The following CRAMP1 variants were observed in gnomAD, a reference collection of about 807,000 sequenced individuals.
CRAMP1 encodes the protein protein cramped-like.
In CRAMP1, 50 loss-of-function variants were observed where a neutral mutation model predicts 115.4. That is an observed-to-expected ratio of 0.43 (90% CI 0.35 to 0.55). The LOEUF (loss-of-function observed/expected upper bound fraction) is 0.55, where lower values mean the gene tolerates loss of function less well. Ranked by LOEUF, CRAMP1 falls within the 20% of genes least tolerant of loss-of-function variation. The pLI, the probability that CRAMP1 is intolerant of heterozygous loss-of-function variation, is 0.01. For synonymous variants in CRAMP1, 866 were observed against 745.4 expected (o/e 1.16, Z -2.64); for missense variants, 1,679 against 1,721.7 (o/e 0.98, Z 0.44).
At chr16:1,634,816 C>T (rs1355817711) in intron 4 of CRAMP1, among the ~76,000 whole-genome samples, 3 of 152,252 alleles carry the variant, frequency 2.0e-5, no homozygotes, top group Non-Finnish European at 4.4e-5. Context: ...TGCGAAGTGA[C>T]TGGCCCCATG....
At position 1,656,904 on chromosome 16, in the gene CRAMP1, G is replaced by T. The variant is rs372279645; in HGVS notation, c.2147G>T (p.Arg716Leu). ...DWLGPGRQDP[R>L]PGSLPTALHK... ...CTGGGGCCCGGCCGCCAGGACCCCC[G>T]CCCCGGCTCCCTACCCACCGCCCTC... The change falls in exon 10 of 21, where the codon CGC (arginine) becomes CTC (leucine). Residue 716 changes from arginine (R) to leucine (L), a missense_variant. Arg to Leu is a moderately radical substitution (Grantham distance 102). Around this residue, in one of 8 missense-constraint regions of CRAMP1, gnomAD observed 709 missense variants for 741.9 expected, o/e 0.96. Coordinates refer to ENST00000397412, the MANE Select transcript of CRAMP1 (RefSeq NM_020825.4). This position sits in a 1 kb window ranked among gnomAD's most constrained non-coding sequence, Gnocchi z 5.6. The T allele has an allele frequency of 1.9e-6, 3 of 1,552,218 alleles. No individual in the cohort carries two copies. Among genetic ancestry groups the T allele is most frequent in the Non-Finnish European group, 8.7e-7 (1 of 1,148,416 alleles).
At chr16:1,652,065 A>G (rs1321770835) in intron 6 of CRAMP1, among the ~76,000 whole-genome samples, 1 of 151,942 alleles carries the variant, frequency 6.6e-6, no homozygotes, top group Non-Finnish European at 1.5e-5. Context: ...ACGGAGAGGT[A>G]GACTGAGAGG....
chr16:1,666,069 G>A lies in CRAMP1; in HGVS notation c.2753-4G>A, dbSNP rs148724343. On this transcript the variant is annotated splice_polypyrimidine_tract_variant and splice_region_variant and intron_variant, in intron 14 of 20. Transcript: ENST00000397412. This position sits in a 1 kb window ranked among gnomAD's most constrained non-coding sequence, Gnocchi z 5.0. ...CATGTCTGCTTTTGCCCTCGCCCTC[G>A]CAGGGAGAGGTTCGTTCCGGCCCAT... The A allele has an allele frequency of 4.3e-5, 68 of 1,597,688 alleles. No individual in the cohort carries two copies. The highest frequency in any genetic ancestry group is 1.7e-4 in the Middle Eastern group (1 of 6,042).
chr16:1,621,090 A>C (rs189607894), intron 2 of CRAMP1, among the ~76,000 whole-genome samples: 2 of 152,188 alleles, frequency 1.3e-5, no homozygotes, highest in Non-Finnish European at 2.9e-5. Context: ...CCTGCTGGGC[A>C]CTGAGCAGCT....
At chr16:1,639,586 C>G (rs560844951) in intron 5 of CRAMP1, among the ~76,000 whole-genome samples, 138 of 152,250 alleles carry the variant, frequency 9.1e-4, no homozygotes, top group Non-Finnish European at 1.0e-4. Context: ...CAAAGGAAGA[C>G]TTGGCCCCAG....
At chr16:1,660,983 C>T (rs1321972754) in intron 11 of CRAMP1, among the ~76,000 whole-genome samples, 4 of 151,206 alleles carry the variant, frequency 2.6e-5, no homozygotes, top group Non-Finnish European at 4.4e-5. Context: ...CACTCCAGCT[C>T]GGGCAACGGA....
chr16:1,664,739 A>G (rs1596497576), intron 13 of CRAMP1, among the ~76,000 whole-genome samples: 1 of 150,908 alleles, frequency 6.6e-6, no homozygotes, highest in South Asian at 2.1e-4. Context: ...AAATTGCACC[A>G]CTGCACTCTA....
At chr16:1,657,024 G>T in intron 10 of CRAMP1, 32 bp downstream of exon 10, 1 of 1,466,748 alleles carries the variant, frequency 6.8e-7, no homozygotes, top group Non-Finnish European at 9.0e-7. Context: ...CCCTCTGGCG[G>T]CCCAAGGGAA....
At chr16:1,623,880 T>G (rs2036486201) in intron 2 of CRAMP1, among the ~76,000 whole-genome samples, 1 of 152,254 alleles carries the variant, frequency 6.6e-6, no homozygotes, top group Non-Finnish European at 1.5e-5. Flanking sequence ...GGCATTTGAT[T>G]AGCCTGGTTG....
In CRAMP1 at chr16:1,677,270, C is replaced by T. The variant is rs1030032283; in HGVS notation, c.*3225C>T. On this transcript the variant is annotated 3_prime_UTR_variant, in exon 21 of 21. Transcript: ENST00000397412. ...CCACCCTGACTAACATGGAGAGACC[C>T]TGTCTCTACTAAAAGTACAGAATTA... 3.9e-5 allele frequency: 6 copies of T among 152,208 alleles called. No homozygotes were observed. Among genetic ancestry groups the T allele is most frequent in the Admixed American group, 1.3e-4 (2 of 15,272 alleles). 9.4% of individuals were successfully genotyped at this position (152,208 alleles called of 1,614,324 possible). A position where few individuals can be genotyped will look rare whatever the true frequency, so the allele number is the denominator to read the frequency against.
chr16:1,612,392 C>T lies in CRAMP1; in HGVS notation c.-267C>T, dbSNP rs1381268232. 2 of 151,610 alleles carry T rather than the reference C, an allele frequency of 1.3e-5. No individual in the cohort carries two copies. Among genetic ancestry groups the T allele is most frequent in the Non-Finnish European group, 3.0e-5 (2 of 67,752 alleles). The allele number at this position is 151,610 out of a possible 1,614,324, so 9.4% of individuals were successfully genotyped here. A position where few individuals can be genotyped will look rare whatever the true frequency, so the allele number is the denominator to read the frequency against. On this transcript the variant is annotated 5_prime_UTR_variant, in exon 1 of 21. Transcript: ENST00000397412. ...CCACCGGCCGCCGTAGCCGGAACTG[C>T]TGCTGAGGGCGGCGGGCCGGCTTCG...
intron 8 of CRAMP1, 27 bp from the exon 9 acceptor site, chr16:1,655,192 A>G (rs1267759415): frequency 1.9e-6 from 3 of 1,592,502 alleles, no homozygotes; most frequent in East Asian, 4.5e-5. Flanking sequence ...TGCGAACCTC[A>G]CTTCCTCCTG....
At chr16:1,662,734 C>T in intron 12 of CRAMP1, 27 bp from the exon 13 acceptor site, 2 of 1,613,558 alleles carry the variant, frequency 1.2e-6, no homozygotes, top group Non-Finnish European at 1.7e-6. Flanking sequence ...AGTGCACCTT[C>T]AGGTGCCGGA....
intron 4 of CRAMP1, among the ~76,000 whole-genome samples, chr16:1,635,121 C>G (rs1191954015): frequency 6.6e-6 from 1 of 152,186 alleles, no homozygotes; most frequent in African/African-American, 2.4e-5. Context: ...TGGTCTTGAA[C>G]TCCTGAGCTC....
chr16:1,617,637 C>T (rs948252209), intron 2 of CRAMP1, among the ~76,000 whole-genome samples: 3 of 152,268 alleles, frequency 2.0e-5, no homozygotes, highest in African/African-American at 7.2e-5. Flanking sequence ...ACTTACTGCC[C>T]TGGCCAGTTT....
chr16:1,641,081 C>T (rs2036627987), intron 5 of CRAMP1, 58 bp from the exon 6 acceptor site: 1 of 1,180,166 alleles, frequency 8.5e-7, no homozygotes, highest in Non-Finnish European at 1.3e-6. Context: ...TGGGAATCTT[C>T]AGTGGCTTTG....
chr16:1,632,643 G>C (rs575256410), intron 4 of CRAMP1, among the ~76,000 whole-genome samples: 2 of 152,260 alleles, frequency 1.3e-5, no homozygotes, highest in East Asian at 1.9e-4. Flanking sequence ...CTGAGTGTGC[G>C]TGAGTTCTGG....
intron 13 of CRAMP1, 144 bp downstream of exon 13, chr16:1,662,979 A>G (rs952796149): frequency 3.2e-6 from 2 of 620,096 alleles, no homozygotes; most frequent in Non-Finnish European, 5.6e-6. Context: ...GGGTAAAAAT[A>G]CAAGTAATAA....
At chr16:1,662,715 G>A (rs749530984) in intron 12 of CRAMP1, 44 bp downstream of exon 12, 15 of 1,613,738 alleles carry the variant, frequency 9.3e-6, no homozygotes, top group Non-Finnish European at 1.1e-5. Flanking sequence ...GCGTCCCCGT[G>A]GTCTGGAGAG....
Sources: gnomAD v4.1 joint callset for allele counts (sites outside exome capture counted in the v4.1 genomes callset) on GRCh38, gnomAD v4.1.1 for gene constraint, gnomAD v4.1.1 regional missense constraint, Gnocchi (gnomAD v3.1) non-coding constraint, MANE v1.5 for transcripts, NCBI Gene and HGNC (gene_info 2026-07-23, HGNC 2026-07-21) for gene names.